The following AFF1 variants were observed in gnomAD, a reference collection of about 807,000 sequenced individuals.
The protein encoded by AFF1 is AF4/FMR2 family member 1.
AFF1 carries 48 observed loss-of-function variants against 121.7 expected under a neutral mutation model. That is an observed-to-expected ratio of 0.39 (90% CI 0.31 to 0.50). The LOEUF (loss-of-function observed/expected upper bound fraction) is 0.50, where lower values mean the gene tolerates loss of function less well. AFF1 is among the 20% of genes least tolerant of loss of function. AFF1 has a pLI of 0.76. For synonymous variants in AFF1, 613 were observed against 563.0 expected (o/e 1.09, Z -1.26); for missense variants, 1,523 against 1,511.7 (o/e 1.01, Z -0.12).
At position 87,121,692 on chromosome 4, in the gene AFF1, T is replaced by C. The variant is rs144113483; in HGVS notation, c.2467-3345T>C. 2.4e-3 allele frequency among the ~76,000 whole-genome samples: 359 copies of C among 152,402 alleles called. 3 individuals carry two copies. Among genetic ancestry groups the C allele is most frequent in the African/African-American group, 8.2e-3 (343 of 41,600 alleles). ...TGATGGCTTCCTTTCTACCAGCTTA[T>C]AGAATATTATCTGCTTCTAGGTTGC... On this transcript the variant is annotated intron_variant, in intron 12 of 20. Transcript: ENST00000395146.
intron 2 of AFF1, among the ~76,000 whole-genome samples, chr4:86,994,287 TG>T (rs1356924207): frequency 6.6e-6 from 1 of 152,270 alleles, no homozygotes; most frequent in African/African-American, 2.4e-5. Context: ...CACACTGAGT[TG>T]GCATAAGCTC....
intron 1 of AFF1, among the ~76,000 whole-genome samples, chr4:86,942,076 T>G (rs1173480768): frequency 6.6e-6 from 1 of 152,164 alleles, no homozygotes; most frequent in African/African-American, 2.4e-5. Context: ...ACATAAATGT[T>G]TGCTATTATT....
intron 16 of AFF1, among the ~76,000 whole-genome samples, chr4:87,130,078 G>A (rs1728676562): frequency 6.6e-6 from 1 of 150,950 alleles, no homozygotes; most frequent in African/African-American, 2.4e-5. Context: ...ATATTCAAGC[G>A]ACTCTCCTGC....
At chr4:86,979,846 G>A (rs572407884) in intron 2 of AFF1, among the ~76,000 whole-genome samples, 5 of 152,214 alleles carry the variant, frequency 3.3e-5, no homozygotes, top group Non-Finnish European at 7.3e-5. Flanking sequence ...TTGACAATAT[G>A]TAGCAAAATA....
intron 2 of AFF1, among the ~76,000 whole-genome samples, chr4:86,987,423 G>A (rs1220907456): frequency 2.0e-5 from 3 of 152,144 alleles, no homozygotes; most frequent in Non-Finnish European, 1.5e-5. Context: ...AGCAGGATCT[G>A]AACATAACAG....
chr4:87,081,273 T>C (rs1442746978), intron 4 of AFF1, among the ~76,000 whole-genome samples: 1 of 147,526 alleles, frequency 6.8e-6, no homozygotes, highest in Non-Finnish European at 1.5e-5. Flanking sequence ...ACGACTCTCC[T>C]GCCTCAGCCT....
chr4:86,996,288 G>A lies in AFF1; in HGVS notation c.38+47717G>A, dbSNP rs1203711384. 1.1e-4 allele frequency among the ~76,000 whole-genome samples: 16 copies of A among 152,280 alleles called. No homozygotes were observed. The South Asian group carries it at 3.1e-3, about 30-fold the overall frequency. ...GCGGTTTTGTGGAATAGAAAGGGGG[G>A]AAAGGTGGGGAAAAGATTGAGAAAT... On this transcript the variant is annotated intron_variant, in intron 2 of 20. Transcript: ENST00000395146.
chr4:87,052,779 G>T (rs961202782), intron 4 of AFF1, among the ~76,000 whole-genome samples: 21 of 151,996 alleles, frequency 1.4e-4, no homozygotes, highest in Admixed American at 1.4e-3. Flanking sequence ...CATGTACGTG[G>T]TATGAAGTGG....
At chr4:86,955,203 A>G (rs1220344083) in intron 2 of AFF1, among the ~76,000 whole-genome samples, 1 of 152,226 alleles carries the variant, frequency 6.6e-6, no homozygotes, top group Non-Finnish European at 1.5e-5. Flanking sequence ...ACCAATAAGC[A>G]TTATTTACAT....
chr4:87,070,645 C>A (rs775400206), intron 4 of AFF1, among the ~76,000 whole-genome samples: 12 of 152,254 alleles, frequency 7.9e-5, no homozygotes, highest in Non-Finnish European at 1.3e-4. Context: ...AAGAAACTTA[C>A]AATTTAAGTC....
At chr4:87,007,229 G>T in intron 2 of AFF1, 1 of 1,465,880 alleles carries the variant, frequency 6.8e-7, no homozygotes, top group Non-Finnish European at 8.9e-7. Flanking sequence ...TACGGGCCGA[G>T]CCCGGGGCTG....
At chr4:87,049,106 GGA>G (rs1268488966) in intron 4 of AFF1, among the ~76,000 whole-genome samples, 23 of 124,728 alleles carry the variant, frequency 1.8e-4, no homozygotes, top group African/African-American at 6.9e-4. Context: ...GGGGGGGGGG[GGA>G]CAACTTAACA....
chr4:86,995,741 G>A (rs1725105800), intron 2 of AFF1, among the ~76,000 whole-genome samples: 1 of 151,990 alleles, frequency 6.6e-6, no homozygotes, highest in Non-Finnish European at 1.5e-5. Context: ...CACCCCGTCT[G>A]GGAAGTGAGG....
intron 2 of AFF1, among the ~76,000 whole-genome samples, chr4:86,991,227 G>A (rs1262378604): frequency 2.0e-5 from 3 of 152,044 alleles, no homozygotes; most frequent in Non-Finnish European, 2.9e-5. Context: ...GGCGGATCAC[G>A]AGATCAGGAA....
chr4:87,134,640 C>T lies in AFF1; in HGVS notation c.3481C>T (p.Leu1161Phe). The part of the protein sequence containing the change: ...SSYVTITSHV[L>F]TAFDLWEQAE... ...CTATGTCACCATCACATCCCATGTT[C>T]TTACCGCCTTTGACCTTTGGGAACA... The change falls in exon 20 of 21, where the codon CTT becomes TTT. Residue 1161 changes from leucine (L) to phenylalanine (F), a missense_variant. Transcript: ENST00000395146. The T allele has an allele frequency of 1.2e-6, 2 of 1,614,172 alleles. No individual in the cohort carries two copies. The highest frequency in any genetic ancestry group is 1.7e-6 in the Non-Finnish European group (2 of 1,180,038).
chr4:86,985,201 ATATATATATATAT>A (rs1724134161), intron 2 of AFF1, among the ~76,000 whole-genome samples: 4 of 134,172 alleles, frequency 3.0e-5, no homozygotes, highest in Non-Finnish European at 4.6e-5. Context: ...ATATATATAT[ATATATATATATAT>A]AAAATTATAT....
chr4:87,029,863 G>A (rs1040338551), intron 2 of AFF1, among the ~76,000 whole-genome samples: 3 of 152,180 alleles, frequency 2.0e-5, no homozygotes, highest in Non-Finnish European at 2.9e-5. Context: ...TTGGAGATGG[G>A]GAAGAGTCCT....
chr4:87,105,565 T>C, intron 8 of AFF1, 63 bp from the exon 9 acceptor site: 1 of 1,573,724 alleles, frequency 6.4e-7, no homozygotes, highest in South Asian at 1.1e-5. Context: ...TCTATTTACA[T>C]GCTAGAAAAG....
In AFF1 at chr4:87,131,141, G is replaced by A. The variant is rs1333393400; in HGVS notation, c.3023G>A (p.Cys1008Tyr). Reference protein sequence around the residue: ...YLEAVLSFIECGIATESESQS... With the variant: ...YLEAVLSFIEYGIATESESQS... ...GAAGCCGTCTTGTCCTTCATTGAGT[G>A]CGGAATTGCCACAGAGTCTGAAAGC... Residue 1008 changes from cysteine to tyrosine, a missense_variant, in exon 17 of 21, where the codon TGC becomes TAC. This residue lies in a region of AFF1 where 241 missense variants were observed against 265.2 expected (regional missense o/e 0.91). Coordinates refer to ENST00000395146, the MANE Select transcript of AFF1 (RefSeq NM_001166693.3). 1.9e-6 allele frequency: 3 copies of A among 1,614,216 alleles called. No individual in the cohort carries two copies. The highest frequency in any genetic ancestry group is 2.5e-6 in the Non-Finnish European group (3 of 1,180,042).
Sources: allele counts gnomAD v4.1 joint callset (sites outside exome capture counted in the v4.1 genomes callset), GRCh38; gene constraint gnomAD v4.1.1; regional missense constraint gnomAD v4.1.1; transcripts MANE v1.5; gene names NCBI Gene and HGNC (gene_info 2026-07-23, HGNC 2026-07-21).